The following UNC13C variants were observed in gnomAD, a reference collection of about 807,000 sequenced individuals.
The protein encoded by UNC13C is unc-13 homolog C.
In UNC13C, 174 loss-of-function variants were observed where a neutral mutation model predicts 245.4. That is an observed-to-expected ratio of 0.71 (90% CI 0.63 to 0.80). The LOEUF is 0.80. UNC13C is among the 30% of genes least tolerant of loss of function. The probability of loss-of-function intolerance (pLI) is 0.00; values close to 1 mark genes in which losing one functional copy is unlikely to be tolerated. For missense variants in UNC13C, 2,829 were observed against 2,602.9 expected (o/e 1.09, Z -1.89); for synonymous variants, 992 against 895.1 (o/e 1.11, Z -1.93).
At chr15:54,387,674 G>A (rs78509209) in intron 17 of UNC13C, among the ~76,000 whole-genome samples, 1 of 152,120 alleles carries the variant, frequency 6.6e-6, no homozygotes, top group African/African-American at 2.4e-5. Flanking sequence ...TTATGAATAG[G>A]TAAACAATCA....
chr15:53,838,578 A>C, the UNC13C span, among the ~76,000 whole-genome samples: 1 of 152,018 alleles, frequency 6.6e-6, no homozygotes, highest in Non-Finnish European at 1.5e-5. Flanking sequence ...AATTATACTA[A>C]TTGATTTTTA....
upstream of UNC13C, among the ~76,000 whole-genome samples, chr15:53,975,992 A>T (rs946497637): frequency 3.3e-5 from 5 of 152,226 alleles, no homozygotes; most frequent in Non-Finnish European, 7.3e-5. Flanking sequence ...CATCTTACTG[A>T]TAAGAATGTG....
chr15:54,092,181 G>C (rs1191759649), intron 2 of UNC13C, among the ~76,000 whole-genome samples: 1 of 152,062 alleles, frequency 6.6e-6, no homozygotes, highest in Non-Finnish European at 1.5e-5. Flanking sequence ...CCTTAGCTGG[G>C]GCTGCACAGT....
intron 19 of UNC13C, among the ~76,000 whole-genome samples, chr15:54,466,729 G>C (rs1241559929): frequency 1.3e-5 from 2 of 151,878 alleles, no homozygotes; most frequent in African/African-American, 4.8e-5. Context: ...ATTCAGTGGA[G>C]GTGGGGTGGG....
Position 54,141,437 on chromosome 15 carries a change from T to C in UNC13C, c.2984-1581T>C, listed in dbSNP as rs144855637. 1.5e-3 allele frequency among the ~76,000 whole-genome samples: 232 copies of C among 152,266 alleles called. 2 individuals are homozygous for C. The highest frequency in any genetic ancestry group is 3.3e-3 in the South Asian group (16 of 4,822). ...TTTAATGGTGATGGAAATGCCCTAC[T>C]ATTTCACACATAAATTGCTGACTGT... On this transcript the variant is annotated intron_variant, in intron 2 of 32. Coordinates refer to ENST00000260323, the MANE Select transcript of UNC13C (RefSeq NM_001080534.3).
In UNC13C at chr15:54,143,669, T is replaced by G. The variant is rs998602128; in HGVS notation, c.3056T>G (p.Leu1019Arg). 6.2e-7 allele frequency: 1 copy of G among 1,613,288 alleles called. No individual in the cohort carries two copies. The change falls in exon 4 of 33, where the codon CTC (leucine) becomes CGC (arginine). Residue 1019 changes from leucine to arginine, a missense_variant. By Grantham distance (102) the Leu-to-Arg change is moderately radical. Coordinates refer to ENST00000260323, the MANE Select transcript of UNC13C (RefSeq NM_001080534.3). Reference sequence around the variant, plus strand: ...TTGGATGCTTCCAAATTTTCTGCACTCCAGGTGTGTGGTGGGTAAGTACCT... The same window carrying G: ...TTGGATGCTTCCAAATTTTCTGCACGCCAGGTGTGTGGTGGGTAAGTACCT... ...NDLDASKFSA[L>R]QVCGGAGGGL...
intron 4 of UNC13C, among the ~76,000 whole-genome samples, chr15:54,176,525 A>G (rs1002387330): frequency 6.6e-6 from 1 of 152,132 alleles, no homozygotes; most frequent in East Asian, 1.9e-4. Context: ...CATATATTAC[A>G]CAAAAAATGA....
At chr15:54,155,031 C>T (rs1264851992) in intron 4 of UNC13C, among the ~76,000 whole-genome samples, 1 of 152,140 alleles carries the variant, frequency 6.6e-6, no homozygotes, top group Non-Finnish European at 1.5e-5. Context: ...TATTTAAAAC[C>T]TGTTCCAATC....
At position 54,038,124 on chromosome 15, in the gene UNC13C, A is replaced by ATATT; in HGVS notation, c.2983+22239_2983+22240insATTT. On this transcript the variant is annotated intron_variant, in intron 2 of 32. Coordinates refer to ENST00000260323, the MANE Select transcript of UNC13C (RefSeq NM_001080534.3). The stretch of plus-strand genomic sequence containing the variant: ...CATATATATATATATATATATATAT[A>ATATT]TTTTTTTTTTTTTTTTCCTGAGACA... Among the ~76,000 whole-genome samples the ATATT allele has an allele frequency of 7.3e-4, 33 of 45,026 alleles. 2 individuals carry two copies. The highest frequency in any genetic ancestry group is 2.4e-3 in the South Asian group (2 of 846). The allele number at this position is 45,026 out of a possible 152,430, so 29.5% of individuals were successfully genotyped here. A position where few individuals can be genotyped will look rare whatever the true frequency, so the allele number is the denominator to read the frequency against.
intron 1 of UNC13C, among the ~76,000 whole-genome samples, chr15:54,006,970 G>T (rs1439389989): frequency 6.6e-6 from 1 of 152,188 alleles, no homozygotes; most frequent in Non-Finnish European, 1.5e-5. Flanking sequence ...TTCCTTCTCT[G>T]TTGCAGTGAT....
At chr15:54,516,813 G>A (rs1214805523) in intron 24 of UNC13C, among the ~76,000 whole-genome samples, 9 of 69,820 alleles carry the variant, frequency 1.3e-4, no homozygotes, top group East Asian at 3.5e-4. Flanking sequence ...AAAAAAAAAA[G>A]TATCAGATAA....
At chr15:54,051,882 G>C (rs1392750517) in intron 2 of UNC13C, among the ~76,000 whole-genome samples, 2 of 141,884 alleles carry the variant, frequency 1.4e-5, no homozygotes, top group Non-Finnish European at 3.0e-5. Flanking sequence ...TCTAGCATTA[G>C]GTATATCTCC....
At chr15:53,989,462 C>T (rs767211164) in intron 1 of UNC13C, among the ~76,000 whole-genome samples, 3 of 151,890 alleles carry the variant, frequency 2.0e-5, no homozygotes, top group Non-Finnish European at 4.4e-5. Context: ...CACAGCAGGG[C>T]AGTGGCCTTA....
At chr15:53,909,707 A>T in the UNC13C span, among the ~76,000 whole-genome samples, 2 of 146,704 alleles carry the variant, frequency 1.4e-5, no homozygotes, top group African/African-American at 4.9e-5. Context: ...GAGTATTCTA[A>T]GTCTGGTGAC....
At chr15:53,979,820 GA>G (rs1352486299) in intron 1 of UNC13C, among the ~76,000 whole-genome samples, 1 of 151,976 alleles carries the variant, frequency 6.6e-6, no homozygotes, top group African/African-American at 2.4e-5. Context: ...ATATAATTTT[GA>G]AATTAATAAA....
At chr15:54,048,233 T>C (rs945430277) in intron 2 of UNC13C, among the ~76,000 whole-genome samples, 1 of 152,222 alleles carries the variant, frequency 6.6e-6, no homozygotes, top group African/African-American at 2.4e-5. Flanking sequence ...GTTCTCCTTC[T>C]TTTGTAATTT....
At chr15:54,193,587 AC>A (rs1176266557) in intron 4 of UNC13C, among the ~76,000 whole-genome samples, 1 of 151,914 alleles carries the variant, frequency 6.6e-6, no homozygotes, top group Non-Finnish European at 1.5e-5. Flanking sequence ...CTGCACTCAC[AC>A]CCCCAGCCCT....
intron 18 of UNC13C, among the ~76,000 whole-genome samples, chr15:54,400,355 T>G (rs1009666399): frequency 7.2e-5 from 11 of 152,062 alleles, no homozygotes; most frequent in African/African-American, 2.4e-4. Context: ...TTCATACTAG[T>G]TAAGTCCCCC....
At chr15:53,934,828 T>C in the UNC13C span, among the ~76,000 whole-genome samples, 1 of 152,162 alleles carries the variant, frequency 6.6e-6, no homozygotes, top group Non-Finnish European at 1.5e-5. Flanking sequence ...GAGGTGAGGA[T>C]GGTCTCTGGG....
Sources: gnomAD v4.1 joint callset for allele counts (sites outside exome capture counted in the v4.1 genomes callset) on GRCh38, gnomAD v4.1.1 for gene constraint, MANE v1.5 for transcripts, NCBI Gene and HGNC (gene_info 2026-07-23, HGNC 2026-07-21) for gene names.